The following DPT variants were observed in gnomAD, a reference collection of about 807,000 sequenced individuals.
The protein encoded by DPT is tyrosine-rich acidic matrix protein.
In DPT, 21 loss-of-function variants were observed where a neutral mutation model predicts 31.2. The ratio of observed to expected loss-of-function variants is 0.67; its 90% CI spans 0.48 to 0.97. DPT has a LOEUF of 0.97. Among genes scored for constraint, DPT ranks in the 50% least tolerant of loss-of-function variants. The pLI is 0.00. For synonymous variants in DPT, 91 were observed against 86.9 expected (o/e 1.05, Z -0.26); for missense variants, 262 against 258.8 (o/e 1.01, Z -0.08).
At chr1:168,706,565 T>C (rs536717822) in intron 2 of DPT, among the ~76,000 whole-genome samples, 1 of 152,268 alleles carries the variant, frequency 6.6e-6, no homozygotes, top group African/African-American at 2.4e-5. Context: ...GAGCTGGGGA[T>C]TGGCCAAGCG....
intron 3 of DPT, among the ~76,000 whole-genome samples, chr1:168,700,525 G>A (rs1649570407): frequency 6.6e-6 from 1 of 152,162 alleles, no homozygotes; most frequent in South Asian, 2.1e-4. Flanking sequence ...ATGATATAGA[G>A]GCACGGGGTG....
chr1:168,703,794 T>C (rs1386127195), intron 2 of DPT, among the ~76,000 whole-genome samples: 1 of 152,200 alleles, frequency 6.6e-6, no homozygotes, highest in Non-Finnish European at 1.5e-5. Context: ...CCCAAATCAC[T>C]GGTAGAAAGT....
chr1:168,700,898 TGTGTGTGTGG>T (rs761095282), intron 3 of DPT, 109 bp downstream of exon 3: 68,646 of 568,200 alleles, frequency 0.12, 4,276 homozygotes, highest in African/African-American at 0.39. Flanking sequence ...TACGTGTGTG[TGTGTGTGTGG>T]GTGTGTGTGT....
chr1:168,717,191 T>C (rs1302274850), intron 1 of DPT, among the ~76,000 whole-genome samples: 1 of 152,248 alleles, frequency 6.6e-6, no homozygotes, highest in Non-Finnish European at 1.5e-5. Flanking sequence ...AGAATTCCTA[T>C]TTCTTCACAG....
intron 2 of DPT, among the ~76,000 whole-genome samples, chr1:168,702,110 C>CTTTTTTT (rs1460311234): frequency 6.6e-6 from 1 of 152,152 alleles, no homozygotes; most frequent in Non-Finnish European, 1.5e-5. Flanking sequence ...CAAAACAGTC[C>CTTTTTTT]TTTTACCATG....
chr1:168,696,625 GGA>G lies in DPT; in HGVS notation c.540-12_540-11del. On this transcript the variant is annotated splice_polypyrimidine_tract_variant and intron_variant, in intron 3 of 3. Transcript: ENST00000367817. ...CTTCCACTGGCGATCCCTGTGGGAG[GGA>G]GAGTCAGAAAATGAATGTCAGTGAG... 1 of 1,612,754 alleles carries G rather than the reference GGA, an allele frequency of 6.2e-7. No homozygotes were observed.
intron 1 of DPT, among the ~76,000 whole-genome samples, chr1:168,717,809 C>T (rs575357018): frequency 5.7e-4 from 86 of 152,154 alleles, no homozygotes; most frequent in African/African-American, 1.8e-3. Context: ...TACCATTGCT[C>T]GCATCTCATC....
rs1433 is a variant in DPT at position 168,696,510 on chromosome 1, G to A, written c.*39C>T. On this transcript the variant is annotated 3_prime_UTR_variant, in exon 4 of 4. Transcript: ENST00000367817. ...CATATGTGGACACCCTCCTGTCCCCGGCCCCTTTCCTTTCACCCAGATTTG... is the reference window on the plus strand; with the variant it reads ...CATATGTGGACACCCTCCTGTCCCCAGCCCCTTTCCTTTCACCCAGATTTG... 1.5e-6 allele frequency: 2 copies of A among 1,378,212 alleles called. No individual in the cohort carries two copies. The highest frequency in any genetic ancestry group is 1.9e-6 in the Non-Finnish European group (2 of 1,034,352). The allele number at this position is 1,378,212 out of a possible 1,614,324, so 85.4% of individuals were successfully genotyped here.
chr1:168,721,655 A>T (rs1458105545), intron 1 of DPT, among the ~76,000 whole-genome samples: 2 of 152,192 alleles, frequency 1.3e-5, no homozygotes, highest in Non-Finnish European at 2.9e-5. Context: ...GACAATTCCA[A>T]ATCATACTAA....
chr1:168,705,158 C>T (rs375960956), intron 2 of DPT, among the ~76,000 whole-genome samples: 4 of 152,308 alleles, frequency 2.6e-5, no homozygotes, highest in African/African-American at 9.6e-5. Flanking sequence ...TATTCCTTGA[C>T]ATAAAGTGAC....
At chr1:168,712,004 A>G (rs967287889) in intron 2 of DPT, among the ~76,000 whole-genome samples, 1 of 152,076 alleles carries the variant, frequency 6.6e-6, no homozygotes, top group Non-Finnish European at 1.5e-5. Context: ...AGAGAATTAT[A>G]TTTTCTGGGC....
At chr1:168,720,688 G>A (rs1037527073) in intron 1 of DPT, among the ~76,000 whole-genome samples, 2 of 152,192 alleles carry the variant, frequency 1.3e-5, no homozygotes, top group Admixed American at 6.5e-5. Flanking sequence ...ACTATGAGAA[G>A]TTTTGCCCAT....
chr1:168,719,383 A>T (rs567466653), intron 1 of DPT, among the ~76,000 whole-genome samples: 1 of 152,334 alleles, frequency 6.6e-6, no homozygotes, highest in African/African-American at 2.4e-5. Context: ...AGGATTACAA[A>T]CACAGAGCTA....
chr1:168,696,688 C>G, intron 3 of DPT, 73 bp from the exon 4 acceptor site: 1 of 1,351,598 alleles, frequency 7.4e-7, no homozygotes, highest in Non-Finnish European at 1.0e-6. Flanking sequence ...GCTGGGGAAA[C>G]AGCAGCAGAG....
At chr1:168,722,573 A>G (rs1650141834) in intron 1 of DPT, among the ~76,000 whole-genome samples, 1 of 152,226 alleles carries the variant, frequency 6.6e-6, no homozygotes, top group Non-Finnish European at 1.5e-5. Flanking sequence ...TCAAATAATG[A>G]GCTTCTCACC....
intron 1 of DPT, among the ~76,000 whole-genome samples, chr1:168,721,660 T>C (rs1160921072): frequency 6.6e-6 from 1 of 152,206 alleles, no homozygotes; most frequent in Non-Finnish European, 1.5e-5. Context: ...TTCCAAATCA[T>C]ACTAACTTTC....
At chr1:168,714,534 T>C (rs1649935543) in intron 1 of DPT, among the ~76,000 whole-genome samples, 188 bp from the exon 2 acceptor site, 2 of 152,218 alleles carry the variant, frequency 1.3e-5, no homozygotes, top group African/African-American at 4.8e-5. Context: ...AAAATTTAAG[T>C]GACTCAGAAT....
intron 2 of DPT, among the ~76,000 whole-genome samples, chr1:168,706,400 G>A (rs1020230078): frequency 3.9e-5 from 6 of 152,212 alleles, no homozygotes; most frequent in African/African-American, 1.4e-4. Flanking sequence ...TATAAGGAAT[G>A]AACATATTTC....
In DPT at chr1:168,695,965, T is replaced by C. The variant is rs948880937; in HGVS notation, c.*584A>G. The C allele has an allele frequency of 2.6e-6, 1 of 385,962 alleles. No individual in the cohort carries two copies. Among genetic ancestry groups the C allele is most frequent in the Non-Finnish European group, 4.6e-6 (1 of 218,564 alleles). The allele number at this position is 385,962 out of a possible 1,614,324, so 23.9% of individuals were successfully genotyped here. Reference sequence around the variant, plus strand: ...TGTTTTCAGCTCTGCCTCCAAACCCTTCCATTTCCCCATTTCACCTCCCAG... The same window carrying C: ...TGTTTTCAGCTCTGCCTCCAAACCCCTCCATTTCCCCATTTCACCTCCCAG... On this transcript the variant is annotated 3_prime_UTR_variant, in exon 4 of 4. Coordinates refer to ENST00000367817, the MANE Select transcript of DPT (RefSeq NM_001937.5).
Sources: allele counts gnomAD v4.1 joint callset (sites outside exome capture counted in the v4.1 genomes callset), GRCh38; gene constraint gnomAD v4.1.1; transcripts MANE v1.5; gene names NCBI Gene and HGNC (gene_info 2026-07-23, HGNC 2026-07-21).